Variants in ZHX2 observed in about 807,000 individuals in gnomAD.
The protein encoded by ZHX2 is zinc fingers and homeoboxes protein 2.
In ZHX2, 6 loss-of-function variants were observed where a neutral mutation model predicts 21.9. That is an observed-to-expected ratio of 0.27 (90% CI 0.15 to 0.54). ZHX2 has a LOEUF of 0.54. Ranked by LOEUF, ZHX2 falls within the 20% of genes least tolerant of loss-of-function variation. The pLI, the probability that ZHX2 is intolerant of heterozygous loss-of-function variation, is 0.95. For missense variants in ZHX2, 908 were observed against 1,090.7 expected, an observed-to-expected ratio of 0.83 and a Z score of 2.36; for synonymous variants, 434 against 437.1, an observed-to-expected ratio of 0.99 and a Z score of 0.09.
Position 122,953,269 on chromosome 8 carries a change from A to T in ZHX2, c.1759A>T (p.Met587Leu), listed in dbSNP as rs1205977006. 2.5e-6 allele frequency: 4 copies of T among 1,614,124 alleles called. No individual in the cohort carries two copies. The highest frequency in any genetic ancestry group is 3.4e-6 in the Non-Finnish European group (4 of 1,180,040). ...FSERRKLRDSMEQAVLDSMGS... is the reference protein window; with the variant it reads ...FSERRKLRDSLEQAVLDSMGS... ...GGAGAGGCGGAAGCTTCGAGACAGCATGGAACAAGCTGTCTTGGATTCCAT... is the reference window on the plus strand; with the variant it reads ...GGAGAGGCGGAAGCTTCGAGACAGCTTGGAACAAGCTGTCTTGGATTCCAT... The change falls in exon 3 of 4, where the codon ATG (methionine) becomes TTG (leucine). Residue 587 changes from methionine to leucine, a missense_variant. Around this residue, in one of 4 missense-constraint regions of ZHX2, gnomAD observed 431 missense variants for 428.6 expected, o/e 1.01. Coordinates refer to ENST00000314393, the MANE Select transcript of ZHX2 (RefSeq NM_014943.5). This position sits in a 1 kb window ranked among gnomAD's most constrained non-coding sequence, Gnocchi z 4.6.
chr8:122,945,426 C>G (rs911367624), intron 2 of ZHX2, among the ~76,000 whole-genome samples: 1 of 102,908 alleles, frequency 9.7e-6, no homozygotes, highest in Non-Finnish European at 1.8e-5. Context: ...TTATATAAAC[C>G]CTGTCTCTGC....
chr8:122,868,923 G>A (rs992514492), intron 2 of ZHX2, among the ~76,000 whole-genome samples: 1 of 152,160 alleles, frequency 6.6e-6, no homozygotes, highest in Admixed American at 6.5e-5. Flanking sequence ...TGCATGGCTG[G>A]AGGAGCAGCA....
intron 1 of ZHX2, among the ~76,000 whole-genome samples, chr8:122,843,994 A>G (rs900834805): frequency 1.4e-5 from 2 of 138,396 alleles, no homozygotes; most frequent in South Asian, 2.3e-4. Flanking sequence ...CACACACATC[A>G]TGCTTCTGAT....
chr8:122,803,043 A>G (rs546277827), intron 1 of ZHX2, among the ~76,000 whole-genome samples: 1 of 147,046 alleles, frequency 6.8e-6, no homozygotes, highest in Non-Finnish European at 1.5e-5. Context: ...AAGTGCCCCT[A>G]CAGGTGGTGT....
intron 1 of ZHX2, among the ~76,000 whole-genome samples, chr8:122,786,976 C>T (rs1331378964): frequency 6.6e-6 from 1 of 150,574 alleles, no homozygotes; most frequent in Non-Finnish European, 1.5e-5. Flanking sequence ...CCACCCTTCT[C>T]TAATGCCCCC....
At chr8:122,957,726 C>A (rs1813345196) in intron 3 of ZHX2, among the ~76,000 whole-genome samples, 1 of 152,186 alleles carries the variant, frequency 6.6e-6, no homozygotes, top group South Asian at 2.1e-4. Context: ...CTGCCTCAGC[C>A]TCCCAAAGTG....
chr8:122,923,367 G>C (rs1294006105), intron 2 of ZHX2, among the ~76,000 whole-genome samples: 2 of 152,234 alleles, frequency 1.3e-5, no homozygotes, highest in Non-Finnish European at 2.9e-5. Context: ...CTTCCTCACA[G>C]CATGGTGGCC....
At chr8:122,945,779 T>C (rs570334025) in intron 2 of ZHX2, among the ~76,000 whole-genome samples, 21 of 152,316 alleles carry the variant, frequency 1.4e-4, no homozygotes, top group Middle Eastern at 6.8e-3. Flanking sequence ...TTCTGACTTG[T>C]TCAGGCAACC....
intron 3 of ZHX2, among the ~76,000 whole-genome samples, chr8:122,959,266 G>T (rs558949888): frequency 1.6e-4 from 24 of 152,300 alleles, no homozygotes; most frequent in African/African-American, 5.8e-4. Flanking sequence ...ATTTTCCATG[G>T]TTCGGCTTGG....
At chr8:122,851,271 G>A (rs1818891158) in intron 1 of ZHX2, among the ~76,000 whole-genome samples, 1 of 152,286 alleles carries the variant, frequency 6.6e-6, no homozygotes, top group Non-Finnish European at 1.5e-5. Flanking sequence ...TGTTCATTGG[G>A]GTTAACAGAG....
intron 1 of ZHX2, among the ~76,000 whole-genome samples, chr8:122,842,017 A>G (rs1818641907): frequency 1.3e-5 from 2 of 151,992 alleles, no homozygotes; most frequent in Admixed American, 1.3e-4. Flanking sequence ...TGTAGAGCCC[A>G]CTCTTAGAGA....
chr8:122,903,897 A>T (rs1353042771), intron 2 of ZHX2, among the ~76,000 whole-genome samples: 1 of 152,150 alleles, frequency 6.6e-6, no homozygotes, highest in Non-Finnish European at 1.5e-5. Flanking sequence ...CACTTCCAAG[A>T]AAATGGAGTA....
At chr8:122,856,422 C>T (rs1450369465) in intron 1 of ZHX2, among the ~76,000 whole-genome samples, 1 of 152,016 alleles carries the variant, frequency 6.6e-6, no homozygotes, top group Non-Finnish European at 1.5e-5. Flanking sequence ...TATGGAGAAC[C>T]CAGTTCCCCC....
intron 1 of ZHX2, among the ~76,000 whole-genome samples, chr8:122,855,069 A>G (rs1044047071): frequency 1.3e-5 from 2 of 152,214 alleles, no homozygotes; most frequent in African/African-American, 2.4e-5. Flanking sequence ...CATACATTCC[A>G]GGGTCAGACT....
At chr8:122,927,139 A>G (rs1820878148) in intron 2 of ZHX2, among the ~76,000 whole-genome samples, 1 of 152,324 alleles carries the variant, frequency 6.6e-6, no homozygotes, top group African/African-American at 2.4e-5. Flanking sequence ...TGGGTAAGCC[A>G]GTGACATAGC....
chr8:122,833,216 C>T (rs934353544), intron 1 of ZHX2, among the ~76,000 whole-genome samples: 1 of 152,178 alleles, frequency 6.6e-6, no homozygotes, highest in Non-Finnish European at 1.5e-5. Context: ...TTAGGAACTG[C>T]TGGACATACC....
chr8:122,795,777 G>T (rs1817602473), intron 1 of ZHX2, among the ~76,000 whole-genome samples: 1 of 152,302 alleles, frequency 6.6e-6, no homozygotes, highest in Non-Finnish European at 1.5e-5. Flanking sequence ...GAGTTACACA[G>T]TAAAAGGCAA....
At chr8:122,883,671 A>G (rs1386885830) in intron 2 of ZHX2, among the ~76,000 whole-genome samples, 1 of 152,274 alleles carries the variant, frequency 6.6e-6, no homozygotes, top group Non-Finnish European at 1.5e-5. Context: ...CATGTCACAT[A>G]TGGTTTAGAA....
At chr8:122,915,114 A>G (rs140327363) in intron 2 of ZHX2, among the ~76,000 whole-genome samples, 483 of 152,264 alleles carry the variant, frequency 3.2e-3, no homozygotes, top group South Asian at 0.015. Flanking sequence ...GGGACCTGAG[A>G]GATCATCCCA....
Sources: gnomAD v4.1 joint callset for allele counts (sites outside exome capture counted in the v4.1 genomes callset) on GRCh38, gnomAD v4.1.1 for gene constraint, gnomAD v4.1.1 regional missense constraint, Gnocchi (gnomAD v3.1) non-coding constraint, MANE v1.5 for transcripts, NCBI Gene and HGNC (gene_info 2026-07-23, HGNC 2026-07-21) for gene names.